TAOK2: variants seen among roughly 807,000 people sequenced by gnomAD.
TAOK2 encodes serine/threonine-protein kinase TAO2.
Under a neutral mutation model 122.5 loss-of-function variants are expected in TAOK2, and 42 were observed. That is an observed-to-expected ratio of 0.34 (90% CI 0.27 to 0.44). The LOEUF (loss-of-function observed/expected upper bound fraction) is 0.44, where lower values mean the gene tolerates loss of function less well. Among genes scored for constraint, TAOK2 ranks in the 20% least tolerant of loss-of-function variants. The probability of loss-of-function intolerance (pLI) is 1.00; values close to 1 mark genes in which losing one functional copy is unlikely to be tolerated. For missense variants in TAOK2, 1,264 were observed against 1,644.9 expected (o/e 0.77, Z 4.01); for synonymous variants, 704 against 677.6 (o/e 1.04, Z -0.61).
chr16:29,983,573 C>T lies in TAOK2; in HGVS notation c.1331C>T (p.Ala444Val), dbSNP rs150531888. 2.5e-6 allele frequency: 4 copies of T among 1,613,922 alleles called. No individual in the cohort carries two copies. The highest frequency in any genetic ancestry group is 2.5e-6 in the Non-Finnish European group (3 of 1,180,020). ...ITPSPLQPPAAPAPTSTTSSA... is the reference protein window; with the variant it reads ...ITPSPLQPPAVPAPTSTTSSA... ...CCCAGCCCTCTCCAGCCGCCTGCAG[C>T]CCCAGCTCCCACTTCCACCACCTCT... The change falls in exon 13 of 16, where the codon GCC becomes GTC. Residue 444 changes from alanine to valine, a missense_variant. Around this residue, in one of 4 missense-constraint regions of TAOK2, gnomAD observed 122 missense variants for 116.7 expected, o/e 1.04. Coordinates refer to ENST00000308893, the MANE Select transcript of TAOK2 (RefSeq NM_016151.4).
chr16:29,975,470 GCCAGGGGT>G (rs2069426056), intron 1 of TAOK2, among the ~76,000 whole-genome samples: 2 of 152,158 alleles, frequency 1.3e-5, no homozygotes, highest in African/African-American at 4.8e-5. Flanking sequence ...TTTGGGCTCG[GCCAGGGGT>G]CCCTAGGAGT....
rs145501593 is a variant in TAOK2, at chr16:29,974,373, G to C, written c.-311G>C. 1 of 152,588 alleles carries C rather than the reference G, an allele frequency of 6.6e-6. No homozygotes were observed. Among genetic ancestry groups the C allele is most frequent in the Non-Finnish European group, 1.5e-5 (1 of 68,032 alleles). 9.5% of individuals were successfully genotyped at this position (152,588 alleles called of 1,614,324 possible). ...AAATATCGGATTCAGTCTCCATCCCGTTCAGATATTCGGGGTTCAGACCCC... is the reference window on the plus strand; with the variant it reads ...AAATATCGGATTCAGTCTCCATCCCCTTCAGATATTCGGGGTTCAGACCCC... On this transcript the variant is annotated 5_prime_UTR_variant, in exon 1 of 16. Coordinates refer to ENST00000308893, the MANE Select transcript of TAOK2 (RefSeq NM_016151.4).
chr16:29,985,009 T>C lies in TAOK2; in HGVS notation c.1423-204T>C, dbSNP rs1353050082. ...GCCCTGTGCTCGCCACCTTTTATCA[T>C]TCGGCCACACCAACTTGTGATGTAG... is the stretch of plus-strand genomic sequence containing the variant. On this transcript the variant is annotated intron_variant, in intron 13 of 15. Coordinates refer to ENST00000308893, the MANE Select transcript of TAOK2 (RefSeq NM_016151.4). The surrounding 1 kb of genome is among the most constrained non-coding windows in gnomAD (Gnocchi z 6.9). The C allele has an allele frequency of 1.8e-6, 1 of 569,706 alleles. No individual in the cohort carries two copies. Among genetic ancestry groups the C allele is most frequent in the Non-Finnish European group, 2.7e-6 (1 of 373,246 alleles). The allele number at this position is 569,706 out of a possible 1,614,324, so 35.3% of individuals were successfully genotyped here. A position where few individuals can be genotyped will look rare whatever the true frequency, so the allele number is the denominator to read the frequency against.
At chr16:29,975,069 C>G (rs904615477) in intron 1 of TAOK2, among the ~76,000 whole-genome samples, 2 of 151,982 alleles carry the variant, frequency 1.3e-5, no homozygotes, top group African/African-American at 4.8e-5. Flanking sequence ...CAGGCCTGGT[C>G]TGGTTGGATT....
chr16:29,985,356 A>C lies in TAOK2; in HGVS notation c.1566A>C (p.Ala522=), dbSNP rs967071705. The change falls in exon 14 of 16, where the codon GCA becomes GCC. Residue 522 remains alanine (A), a synonymous_variant. Transcript: ENST00000308893. The surrounding 1 kb of genome is among the most constrained non-coding windows in gnomAD (Gnocchi z 6.9). ...RLRGEREEHS[A]RLQRELEAQR... is the part of the protein sequence containing the mutation. ...GGGGTGAACGGGAGGAGCACAGTGC[A>C]CGGCTGCAGCGGGAGCTTGAGGCGC... 5.0e-6 allele frequency: 8 copies of C among 1,611,664 alleles called. No homozygotes were observed. The highest frequency in any genetic ancestry group is 2.7e-5 in the African/African-American group (2 of 74,894).
At chr16:29,991,166 C>T, downstream of TAOK2, 1 of 1,611,304 alleles carries the variant, frequency 6.2e-7, no homozygotes, top group South Asian at 1.1e-5. The surrounding 1 kb of genome is among the most constrained non-coding windows in gnomAD (Gnocchi z 5.6). Flanking sequence ...TGGGCTTCTC[C>T]AGCATGGCTC....
chr16:29,981,459 C>T (rs2069612048), intron 8 of TAOK2: 5 of 642,168 alleles, frequency 7.8e-6, no homozygotes, highest in Non-Finnish European at 1.4e-5. Flanking sequence ...CCTATTCCAC[C>T]CGTGTGCAGT....
intron 1 of TAOK2, 29 bp from the exon 2 acceptor site, chr16:29,977,709 T>G (rs944806098): frequency 9.4e-6 from 15 of 1,588,986 alleles, no homozygotes; most frequent in African/African-American, 1.4e-5. Flanking sequence ...CAATCCTTGA[T>G]CTCTAAGGGT....
chr16:29,974,714 C>G (rs1185875452), intron 1 of TAOK2, 66 bp downstream of exon 1: 1 of 152,548 alleles, frequency 6.6e-6, no homozygotes, highest in African/African-American at 2.4e-5. Context: ...GTGCGCCTTT[C>G]TGAGAAGCTG....
chr16:29,982,627 TG>T, intron 10 of TAOK2, 106 bp from the exon 11 acceptor site: 1 of 1,449,676 alleles, frequency 6.9e-7, no homozygotes, highest in Non-Finnish European at 9.3e-7. Context: ...CAACCCGTGG[TG>T]GGCGTGGGCC....
At chr16:29,981,589 G>A (rs1056184202) in intron 8 of TAOK2, 72 bp from the exon 9 acceptor site, 24 of 1,437,056 alleles carry the variant, frequency 1.7e-5, no homozygotes, top group South Asian at 6.9e-5. Context: ...AACCCAAGTC[G>A]TCTCAGTTCC....
In TAOK2 at chr16:29,985,359, G is replaced by A. The variant is rs2069751453; in HGVS notation, c.1569G>A (p.Arg523=). 2 of 1,611,424 alleles carry A rather than the reference G, an allele frequency of 1.2e-6. No homozygotes were observed. Among genetic ancestry groups the A allele is most frequent in the Admixed American group, 3.3e-5 (2 of 59,732 alleles). Residue 523 remains arginine (R), a synonymous_variant, in exon 14 of 16, where the codon CGG becomes CGA. Transcript: ENST00000308893. The surrounding 1 kb of genome is among the most constrained non-coding windows in gnomAD (Gnocchi z 6.9). ...LRGEREEHSA[R]LQRELEAQRA... is the part of the protein sequence containing the mutation. ...GTGAACGGGAGGAGCACAGTGCACG[G>A]CTGCAGCGGGAGCTTGAGGCGCAGC...
chr16:29,977,933 G>C, intron 2 of TAOK2, 29 bp downstream of exon 2: 1 of 1,614,102 alleles, frequency 6.2e-7, no homozygotes, highest in African/African-American at 1.3e-5. Flanking sequence ...GGGTGTAATA[G>C]GGATGGGGAC....
downstream of TAOK2, chr16:29,990,332 T>G (rs2069936351): frequency 6.2e-6 from 1 of 160,690 alleles, no homozygotes; most frequent in Admixed American, 6.1e-5. Context: ...TTGTGTTTTT[T>G]CAGTGCACAT....
At chr16:29,977,240 G>A (rs965438312) in intron 1 of TAOK2, among the ~76,000 whole-genome samples, 2 of 152,118 alleles carry the variant, frequency 1.3e-5, no homozygotes, top group Non-Finnish European at 2.9e-5. Flanking sequence ...AACAATGGAC[G>A]GATTTCCACC....
Position 29,987,094 on chromosome 16 carries a change from G to A in TAOK2, c.2822G>A (p.Ser941Asn). 1 of 1,613,238 alleles carries A rather than the reference G, an allele frequency of 6.2e-7. No homozygotes were observed. Among genetic ancestry groups the A allele is most frequent in the Non-Finnish European group, 8.5e-7 (1 of 1,179,454 alleles). The change falls in exon 16 of 16, where the codon AGC (serine) becomes AAC (asparagine). Residue 941 changes from serine to asparagine, a missense_variant. This residue lies in a region of TAOK2 where 824 missense variants were observed against 908.7 expected (regional missense o/e 0.91). Coordinates refer to ENST00000308893, the MANE Select transcript of TAOK2 (RefSeq NM_016151.4). ...ACACACCTGAGGCCCTGCCCTGCCAGCCAGCTCCCTGGACTCCTGTCCCAT... is the reference window on the plus strand; with the variant it reads ...ACACACCTGAGGCCCTGCCCTGCCAACCAGCTCCCTGGACTCCTGTCCCAT... The part of the protein sequence containing the change: ...PPTHLRPCPA[S>N]QLPGLLSHGL...
In TAOK2 at chr16:29,985,022, A is replaced by G. The variant is rs1241182072; in HGVS notation, c.1423-191A>G. 3.0e-6 allele frequency: 2 copies of G among 672,442 alleles called. No homozygotes were observed. Among genetic ancestry groups the G allele is most frequent in the Non-Finnish European group, 4.4e-6 (2 of 458,084 alleles). The allele number at this position is 672,442 out of a possible 1,614,324, so 41.7% of individuals were successfully genotyped here. On this transcript the variant is annotated intron_variant, in intron 13 of 15. Transcript: ENST00000308893. This position sits in a 1 kb window ranked among gnomAD's most constrained non-coding sequence, Gnocchi z 6.9. ...CACCTTTTATCATTCGGCCACACCA[A>G]CTTGTGATGTAGATAATATCACCAT...
intron 4 of TAOK2, 41 bp from the exon 5 acceptor site, chr16:29,978,758 G>C: frequency 1.2e-6 from 2 of 1,612,536 alleles, no homozygotes; most frequent in Non-Finnish European, 1.7e-6. Context: ...TTGAGTCCCT[G>C]CCCAGGAGAC....
Position 29,981,518 on chromosome 16 carries a change from C to T in TAOK2, c.656-143C>T, listed in dbSNP as rs968955028. On this transcript the variant is annotated intron_variant, in intron 8 of 15. Transcript: ENST00000308893. ...ACAGAGGAAGGAATTAACTGAGACG[C>T]AACAGGATGATGGGAACTTCTCAAG... 6.7e-6 allele frequency: 5 copies of T among 751,112 alleles called. No homozygotes were observed. The African/African-American group carries it at 6.9e-5, about 10-fold the overall frequency. The allele number at this position is 751,112 out of a possible 1,614,324, so 46.5% of individuals were successfully genotyped here.
Sources: gnomAD v4.1 joint callset for allele counts (sites outside exome capture counted in the v4.1 genomes callset) on GRCh38, gnomAD v4.1.1 for gene constraint, gnomAD v4.1.1 regional missense constraint, Gnocchi (gnomAD v3.1) non-coding constraint, MANE v1.5 for transcripts, NCBI Gene and HGNC (gene_info 2026-07-23, HGNC 2026-07-21) for gene names.